Variants in LAMA2 observed in about 807,000 individuals in gnomAD.
LAMA2 encodes the protein laminin subunit alpha 2.
In LAMA2, 269 loss-of-function variants were observed where a neutral mutation model predicts 364.8. That is an observed-to-expected ratio of 0.74 (90% CI 0.67 to 0.82). The LOEUF (loss-of-function observed/expected upper bound fraction) is 0.82. LAMA2 is among the 40% of genes least tolerant of loss of function. LAMA2 has a pLI of 0.00. For synonymous variants in LAMA2, 1,379 were observed against 1,370.6 expected (o/e 1.01, Z -0.14); for missense variants, 3,807 against 3,873.2 (o/e 0.98, Z 0.45).
chr6:129,482,437 G>A (rs1001275747), intron 55 of LAMA2, among the ~76,000 whole-genome samples: 12 of 151,992 alleles, frequency 7.9e-5, no homozygotes, highest in African/African-American at 1.5e-4. Flanking sequence ...TTTTTAAAAC[G>A]TAATTTTCCA....
chr6:129,142,691 T>C (rs1778200948), intron 4 of LAMA2, among the ~76,000 whole-genome samples: 1 of 152,058 alleles, frequency 6.6e-6, no homozygotes, highest in African/African-American at 2.4e-5. Flanking sequence ...ATTGACTTTC[T>C]TGAAATTTGT....
intron 41 of LAMA2, among the ~76,000 whole-genome samples, chr6:129,431,151 C>A (rs1583731600): frequency 6.6e-6 from 1 of 151,996 alleles, no homozygotes; most frequent in Non-Finnish European, 1.5e-5. Flanking sequence ...GTAATCCTAA[C>A]ACTTCGGGAG....
At chr6:129,494,554 T>A (rs1052853036) in intron 58 of LAMA2, among the ~76,000 whole-genome samples, 3 of 152,244 alleles carry the variant, frequency 2.0e-5, no homozygotes, top group African/African-American at 7.2e-5. Flanking sequence ...AGGCATTTCA[T>A]ATCTGTTATT....
At chr6:129,480,346 T>C (rs1029521959) in intron 54 of LAMA2, among the ~76,000 whole-genome samples, 3 of 152,162 alleles carry the variant, frequency 2.0e-5, no homozygotes, top group African/African-American at 7.2e-5. Flanking sequence ...TTTAAATTCC[T>C]AACTACATGG....
chr6:129,124,344 G>C (rs564916195), intron 4 of LAMA2, among the ~76,000 whole-genome samples: 2 of 152,296 alleles, frequency 1.3e-5, no homozygotes, highest in South Asian at 4.1e-4. Flanking sequence ...GCAAAGGGTA[G>C]GTTTACTCAT....
intron 8 of LAMA2, among the ~76,000 whole-genome samples, chr6:129,155,653 C>T (rs952657523): frequency 1.3e-5 from 2 of 151,926 alleles, no homozygotes; most frequent in African/African-American, 2.4e-5. Flanking sequence ...AGTTCTAGCA[C>T]CATTTGTTGA....
chr6:129,475,403 TA>T lies in LAMA2; in HGVS notation c.7451+6del. 2 of 1,570,822 alleles carry T rather than the reference TA, an allele frequency of 1.3e-6. No homozygotes were observed. On this transcript the variant is annotated splice_donor_region_variant and intron_variant, in intron 53 of 64. Coordinates refer to ENST00000421865, the MANE Select transcript of LAMA2 (RefSeq NM_000426.4). ...CCCGTTATCTAGTATGAAAGCAAGG[TA>T]AAATTTAAATTTATGCATGCCTTCT...
At chr6:128,921,134 A>C (rs1778684636) in intron 1 of LAMA2, among the ~76,000 whole-genome samples, 4 of 152,214 alleles carry the variant, frequency 2.6e-5, no homozygotes. Flanking sequence ...AAGTATAGAT[A>C]GGAATTACGT....
In LAMA2 at chr6:129,388,171, C is replaced by T. The variant is rs147253199; in HGVS notation, c.5072-3320C>T. ...ACTCGGGAGGCTGAGACAGTAGAATCGCTTGAACCCAGGAGGTGCGGTCGC... is the reference window on the plus strand; with the variant it reads ...ACTCGGGAGGCTGAGACAGTAGAATTGCTTGAACCCAGGAGGTGCGGTCGC... On this transcript the variant is annotated intron_variant, in intron 35 of 64. Coordinates refer to ENST00000421865, the MANE Select transcript of LAMA2 (RefSeq NM_000426.4). Among the ~76,000 whole-genome samples the T allele has an allele frequency of 5.3e-5, 8 of 151,810 alleles. No homozygotes were observed. In the South Asian group the frequency reaches 8.3e-4, roughly 16 times the overall value.
At chr6:129,274,882 T>A (rs265392) in intron 17 of LAMA2, among the ~76,000 whole-genome samples, 118,921 of 151,802 alleles carry the variant, frequency 0.78, 47,440 homozygotes, top group East Asian at 0.87. Flanking sequence ...TGTGAATCTC[T>A]GCCTTTGAAT....
At chr6:129,093,399 G>T (rs138890684) in intron 3 of LAMA2, among the ~76,000 whole-genome samples, 13 of 151,988 alleles carry the variant, frequency 8.6e-5, no homozygotes, top group Admixed American at 7.9e-4. Context: ...ATATTAAGCT[G>T]CAGGGAAGGG....
intron 12 of LAMA2, among the ~76,000 whole-genome samples, chr6:129,236,944 C>T (rs1785036938): frequency 6.6e-6 from 1 of 152,120 alleles, no homozygotes; most frequent in Admixed American, 6.5e-5. Context: ...AATGAATGCA[C>T]TCAAACGTGT....
chr6:129,209,479 G>A (rs1043067412), intron 12 of LAMA2, among the ~76,000 whole-genome samples: 1 of 152,156 alleles, frequency 6.6e-6, no homozygotes, highest in Non-Finnish European at 1.5e-5. Flanking sequence ...AACTATGCAG[G>A]GAATGAAACT....
chr6:129,239,902 AGGAGAATTGGCTCACATGATCACAAGGTG>A (rs1361474981), intron 12 of LAMA2, among the ~76,000 whole-genome samples: 1 of 152,190 alleles, frequency 6.6e-6, no homozygotes, highest in Non-Finnish European at 1.5e-5. Context: ...GGAGTTTGTT[AGGAGAATTGGCTCACATGATCACAAGGTG>A]AAGTCCCACA....
intron 1 of LAMA2, among the ~76,000 whole-genome samples, chr6:128,911,511 G>T (rs1007274780): frequency 1.3e-5 from 2 of 152,076 alleles, no homozygotes; most frequent in African/African-American, 4.8e-5. Context: ...CACGGTGCGC[G>T]CACCCACTGA....
chr6:129,432,687 T>C (rs992858243), intron 41 of LAMA2, among the ~76,000 whole-genome samples: 1 of 152,182 alleles, frequency 6.6e-6, no homozygotes, highest in Non-Finnish European at 1.5e-5. Context: ...GTATTCAAAC[T>C]CAATTTTCTT....
intron 22 of LAMA2, among the ~76,000 whole-genome samples, chr6:129,301,880 C>A (rs1221375601): frequency 4.6e-5 from 7 of 152,036 alleles, no homozygotes; most frequent in East Asian, 1.9e-4. Flanking sequence ...AAAATAGAAT[C>A]GTAGTCTGTT....
intron 53 of LAMA2, 161 bp from the exon 54 acceptor site, chr6:129,478,532 G>A: frequency 9.9e-6 from 7 of 707,502 alleles, no homozygotes; most frequent in Admixed American, 2.1e-5. Context: ...AGACCAACCA[G>A]TAGACAATGG....
In LAMA2 at chr6:129,427,809, T is replaced by G. The variant is rs780030627; in HGVS notation, c.5923T>G (p.Phe1975Val). 8.7e-6 allele frequency: 14 copies of G among 1,613,766 alleles called. No homozygotes were observed. Among genetic ancestry groups the G allele is most frequent in the Non-Finnish European group, 2.5e-6 (3 of 1,179,882 alleles). The part of the protein sequence containing the change: ...EDAKGCLQKS[F>V]RILNEAKKLA... ...TGCCAAAGGCTGTCTTCAGAAAAGC[T>G]TCAGGATTCTTAACGAAGCCAAGAA... The change falls in exon 41 of 65, where the codon TTC (phenylalanine) becomes GTC (valine). Residue 1975 changes from phenylalanine to valine, a missense_variant. This residue lies in a region of LAMA2 where 3,333 missense variants were observed against 3,345.7 expected (regional missense o/e 1.00). Transcript: ENST00000421865.
Sources: gnomAD v4.1 joint callset for allele counts (sites outside exome capture counted in the v4.1 genomes callset) on GRCh38, gnomAD v4.1.1 for gene constraint, gnomAD v4.1.1 regional missense constraint, MANE v1.5 for transcripts, NCBI Gene and HGNC (gene_info 2026-07-23, HGNC 2026-07-21) for gene names.